The following PDCD1LG2 variants were observed in gnomAD, a reference collection of about 807,000 sequenced individuals.
PDCD1LG2 encodes programmed cell death 1 ligand 2, also known as B7 dendritic cell molecule.
PDCD1LG2 carries 32 observed loss-of-function variants against 28.2 expected under a neutral mutation model. The ratio of observed to expected loss-of-function variants is 1.13; its 90% confidence interval spans 0.86 to 1.52. The LOEUF (loss-of-function observed/expected upper bound fraction) is 1.52. Ranked by LOEUF, PDCD1LG2 falls within the 40% of genes most tolerant of loss-of-function variation. The pLI is 0.00. For synonymous variants in PDCD1LG2, 116 were observed against 120.2 expected (o/e 0.97, Z 0.23); for missense variants, 385 against 323.8 (o/e 1.19, Z -1.45).
intron 3 of PDCD1LG2, among the ~76,000 whole-genome samples, chr9:5,542,188 G>C (rs929280592): frequency 6.6e-6 from 1 of 152,112 alleles, no homozygotes; most frequent in South Asian, 2.1e-4. Context: ...ACTCAAGATG[G>C]ATCAAAGACT....
intron 2 of PDCD1LG2, among the ~76,000 whole-genome samples, chr9:5,523,085 G>A (rs191836131): frequency 1.9e-4 from 29 of 152,286 alleles, no homozygotes; most frequent in South Asian, 1.0e-3. Flanking sequence ...AATAGCAGCC[G>A]TTGGTCATTC....
At chr9:5,538,615 G>A (rs1193796807) in intron 3 of PDCD1LG2, among the ~76,000 whole-genome samples, 1 of 151,964 alleles carries the variant, frequency 6.6e-6, no homozygotes, top group East Asian at 1.9e-4. Flanking sequence ...GTTAAGCCGG[G>A]AGGCGGAGCT....
Position 5,569,608 on chromosome 9 carries a change from G to A in PDCD1LG2, c.817-346G>A, listed in dbSNP as rs1218112357. On this transcript the variant is annotated intron_variant, in intron 6 of 6. Transcript: ENST00000397747. The surrounding 1 kb of genome is among the most constrained non-coding windows in gnomAD (Gnocchi z 4.1). ...AATAGAGTGCAGCAGGGTGAATAAT[G>A]AGTCTGCAGGAATTAATAGAAATAT... 6.6e-6 allele frequency among the ~76,000 whole-genome samples: 1 copy of A among 152,160 alleles called. No homozygotes were observed. The highest frequency in any genetic ancestry group is 1.5e-5 in the Non-Finnish European group (1 of 68,034).
intron 4 of PDCD1LG2, 146 bp downstream of exon 4, chr9:5,549,750 C>A: frequency 9.8e-7 from 1 of 1,019,214 alleles, no homozygotes; most frequent in African/African-American, 1.6e-5. Flanking sequence ...AAGGATAGTG[C>A]AGAACACTGG....
intron 5 of PDCD1LG2, among the ~76,000 whole-genome samples, chr9:5,560,986 CT>C (rs1262141808): frequency 2.0e-5 from 3 of 152,066 alleles, no homozygotes; most frequent in Admixed American, 6.5e-5. Context: ...GCTTCATCTG[CT>C]TGTCTTTACG....
chr9:5,514,250 T>G (rs1243378466), intron 1 of PDCD1LG2, among the ~76,000 whole-genome samples: 3 of 152,200 alleles, frequency 2.0e-5, no homozygotes, highest in Non-Finnish European at 4.4e-5. Flanking sequence ...ATACTAGAGC[T>G]TGGCACATAG....
At chr9:5,534,631 T>G in intron 2 of PDCD1LG2, 114 bp from the exon 3 acceptor site, 1 of 892,946 alleles carries the variant, frequency 1.1e-6, no homozygotes, top group Non-Finnish European at 1.7e-6. Flanking sequence ...AATGTCCAGA[T>G]AAGACAGGTG....
chr9:5,527,360 C>T (rs1334685183), intron 2 of PDCD1LG2, among the ~76,000 whole-genome samples: 1 of 152,160 alleles, frequency 6.6e-6, no homozygotes, highest in Non-Finnish European at 1.5e-5. Context: ...TATTTTCTGT[C>T]CTTATAGTAA....
At chr9:5,533,652 G>T (rs1268155380) in intron 2 of PDCD1LG2, among the ~76,000 whole-genome samples, 1 of 151,988 alleles carries the variant, frequency 6.6e-6, no homozygotes, top group Non-Finnish European at 1.5e-5. Flanking sequence ...CTCCCTTTAG[G>T]CTTTGATTCT....
chr9:5,516,925 T>C (rs1480920116), intron 1 of PDCD1LG2, among the ~76,000 whole-genome samples: 3 of 152,188 alleles, frequency 2.0e-5, no homozygotes, highest in Non-Finnish European at 4.4e-5. Flanking sequence ...GAGCCACTGC[T>C]GGGCAGCTAC....
At chr9:5,512,469 A>G (rs1563818072) in intron 1 of PDCD1LG2, among the ~76,000 whole-genome samples, 1 of 152,170 alleles carries the variant, frequency 6.6e-6, no homozygotes, top group Non-Finnish European at 1.5e-5. Context: ...TTGCCTCAGA[A>G]GTACTGCCCT....
At chr9:5,558,920 G>A (rs991622350) in intron 5 of PDCD1LG2, among the ~76,000 whole-genome samples, 1 of 152,214 alleles carries the variant, frequency 6.6e-6, no homozygotes, top group Non-Finnish European at 1.5e-5. Flanking sequence ...GAGGAGGTAT[G>A]TCCAACAGAA....
intron 4 of PDCD1LG2, among the ~76,000 whole-genome samples, chr9:5,550,106 G>C (rs925104880): frequency 1.3e-5 from 2 of 152,222 alleles, no homozygotes; most frequent in African/African-American, 4.8e-5. Flanking sequence ...TAGTACAATA[G>C]CTAATCACTG....
chr9:5,525,773 GCA>G (rs1210901119), intron 2 of PDCD1LG2, among the ~76,000 whole-genome samples: 4 of 152,108 alleles, frequency 2.6e-5, no homozygotes, highest in South Asian at 2.1e-4. Flanking sequence ...AAGAGGCCGG[GCA>G]TGGTGGCTCA....
At chr9:5,522,818 G>A (rs545166826) in intron 2 of PDCD1LG2, among the ~76,000 whole-genome samples, 4 of 151,914 alleles carry the variant, frequency 2.6e-5, no homozygotes, top group African/African-American at 9.7e-5. Flanking sequence ...TGAGAATATT[G>A]CTCCATCTAT....
At chr9:5,552,875 C>G (rs1275602890) in intron 4 of PDCD1LG2, among the ~76,000 whole-genome samples, 1 of 152,164 alleles carries the variant, frequency 6.6e-6, no homozygotes, top group Non-Finnish European at 1.5e-5. Context: ...CTAAAGTTAG[C>G]CCAACTTCCT....
At chr9:5,541,217 G>A (rs905191033) in intron 3 of PDCD1LG2, among the ~76,000 whole-genome samples, 1 of 152,100 alleles carries the variant, frequency 6.6e-6, no homozygotes, top group African/African-American at 2.4e-5. Flanking sequence ...ATATCTTAAG[G>A]TAATAAAAGC....
chr9:5,566,721 AAT>A (rs1475066725), intron 6 of PDCD1LG2, among the ~76,000 whole-genome samples: 2 of 152,184 alleles, frequency 1.3e-5, no homozygotes, highest in Non-Finnish European at 2.9e-5. Flanking sequence ...AGTTTACTCT[AAT>A]ACAACATGGA....
chr9:5,513,336 G>T (rs1820096626), intron 1 of PDCD1LG2, among the ~76,000 whole-genome samples: 1 of 152,162 alleles, frequency 6.6e-6, no homozygotes, highest in African/African-American at 2.4e-5. Flanking sequence ...TGCTTCAAAG[G>T]CCCAGTTCAA....
Sources: allele counts gnomAD v4.1 joint callset (sites outside exome capture counted in the v4.1 genomes callset), GRCh38; gene constraint gnomAD v4.1.1; non-coding constraint Gnocchi (gnomAD v3.1); transcripts MANE v1.5; gene names NCBI Gene and HGNC (gene_info 2026-07-23, HGNC 2026-07-21).